Variants in GABRA3 observed in about 807,000 individuals in gnomAD.
GABRA3 encodes gamma-aminobutyric acid receptor subunit alpha-3.
In GABRA3, 10 loss-of-function variants were observed where a neutral mutation model predicts 30.1. The ratio of observed to expected loss-of-function variants is 0.33; its 90% confidence interval spans 0.20 to 0.56. The LOEUF (loss-of-function observed/expected upper bound fraction) is 0.56. GABRA3 is among the 20% of genes least tolerant of loss of function. GABRA3 has a pLI of 0.89. For synonymous variants in GABRA3, 151 were observed against 146.8 expected (o/e 1.03, Z -0.21); for missense variants, 233 against 392.0 (o/e 0.59, Z 3.42).
At chrX:152,351,267 T>C (rs767001053) in intron 2 of GABRA3, among the ~76,000 whole-genome samples, 7 of 112,293 alleles carry the variant, frequency 6.2e-5, no homozygotes, top group Non-Finnish European at 1.1e-4. Flanking sequence ...CTGAAAGACA[T>C]CTTCTTCCAA....
At chrX:152,193,907 G>A (rs965671946) in intron 8 of GABRA3, among the ~76,000 whole-genome samples, 2 of 111,370 alleles carry the variant, frequency 1.8e-5, no homozygotes, top group Non-Finnish European at 3.8e-5. Context: ...TGAGGCAGGA[G>A]AATTGCTTGA....
chrX:152,375,101 C>A (rs1212112578), intron 1 of GABRA3, among the ~76,000 whole-genome samples: 1 of 111,280 alleles, frequency 9.0e-6, no homozygotes, highest in East Asian at 2.8e-4. Context: ...AAACTACCAT[C>A]GACATTCTTC....
chrX:152,235,689 A>C (rs1938188048), intron 5 of GABRA3, among the ~76,000 whole-genome samples: 2 of 111,766 alleles, frequency 1.8e-5, no homozygotes, highest in African/African-American at 6.5e-5. Flanking sequence ...TGTACACTAA[A>C]CGTTGATGAA....
chrX:152,295,611 C>T (rs1206611572), intron 3 of GABRA3, among the ~76,000 whole-genome samples: 1 of 112,838 alleles, frequency 8.9e-6, no homozygotes, highest in African/African-American at 3.2e-5. Flanking sequence ...TCACAGCTTC[C>T]CTTGGCTTGG....
At chrX:152,411,989 T>A (rs902695151) in intron 1 of GABRA3, among the ~76,000 whole-genome samples, 24 of 111,542 alleles carry the variant, frequency 2.2e-4, no homozygotes, top group African/African-American at 7.5e-4. Context: ...ACCAGCTTCT[T>A]ACCAAATTTT....
At chrX:152,256,605 G>C (rs1042527695) in intron 4 of GABRA3, among the ~76,000 whole-genome samples, 1 of 111,749 alleles carries the variant, frequency 8.9e-6, no homozygotes, top group African/African-American at 3.3e-5. Flanking sequence ...GCTAATAAAC[G>C]TGAAGAAAAT....
chrX:152,273,623 C>T (rs1278525397), intron 4 of GABRA3, among the ~76,000 whole-genome samples: 1 of 111,887 alleles, frequency 8.9e-6, no homozygotes, highest in African/African-American at 3.2e-5. Context: ...ATAATGAAAT[C>T]CTGCCATTTG....
chrX:152,226,822 A>C (rs2124383521), intron 5 of GABRA3, among the ~76,000 whole-genome samples: 1 of 112,115 alleles, frequency 8.9e-6, no homozygotes, highest in Non-Finnish European at 1.9e-5. Flanking sequence ...GCAAATCAAA[A>C]CCACAATGAG....
At chrX:152,182,404 T>C (rs1937165121) in intron 9 of GABRA3, among the ~76,000 whole-genome samples, 1 of 93,882 alleles carries the variant, frequency 1.1e-5, no homozygotes, top group African/African-American at 3.9e-5. Flanking sequence ...CACTAGTATA[T>C]ATAGACACAC....
intron 1 of GABRA3, among the ~76,000 whole-genome samples, chrX:152,366,075 G>T (rs756739944): frequency 5.4e-5 from 6 of 111,707 alleles, no homozygotes; most frequent in African/African-American, 1.9e-4. Flanking sequence ...GAATGGTACG[G>T]TTCAGAAAAC....
In GABRA3 at chrX:152,386,337, T is replaced by C. The variant is rs1230655611; in HGVS notation, c.-26-21741A>G. On this transcript the variant is annotated intron_variant, in intron 1 of 9. Coordinates refer to ENST00000370314, the MANE Select transcript of GABRA3 (RefSeq NM_000808.4). ...CCTTGTAAGTTGGATTCCTAGGTAT[T>C]TTATTCTCTTTGAAGCAATCGTGAA... Among the ~76,000 whole-genome samples the C allele has an allele frequency of 3.6e-5, 4 of 110,784 alleles. No individual in the cohort carries two copies. The South Asian group carries it at 1.6e-3, about 43-fold the overall frequency.
At chrX:152,185,789 T>C (rs1478562024) in intron 9 of GABRA3, among the ~76,000 whole-genome samples, 1 of 112,223 alleles carries the variant, frequency 8.9e-6, no homozygotes, top group Non-Finnish European at 1.9e-5. Context: ...CCAAATCAAA[T>C]TGAGCTTTTC....
rs747071461 is a variant in GABRA3 at position 152,351,990 on chromosome X, A to G, written c.141-6288T>C. ...TTACCGATTAAGTCCACTGTCTTAC[A>G]TGAGTGGAATTCATGGTGCCCCAAA... On this transcript the variant is annotated intron_variant, in intron 2 of 9. Transcript: ENST00000370314. 2.7e-5 allele frequency among the ~76,000 whole-genome samples: 3 copies of G among 111,612 alleles called. No individual in the cohort carries two copies. In the South Asian group the frequency reaches 1.1e-3, roughly 42 times the overall value.
intron 1 of GABRA3, among the ~76,000 whole-genome samples, chrX:152,372,388 G>GTACT (rs1369221569): frequency 9.0e-6 from 1 of 111,590 alleles, no homozygotes; most frequent in African/African-American, 3.3e-5. Flanking sequence ...AAGGGACTTT[G>GTACT]TACTTGCTCT....
intron 3 of GABRA3, among the ~76,000 whole-genome samples, chrX:152,294,991 G>A (rs773705780): frequency 5.4e-5 from 6 of 111,519 alleles, no homozygotes; most frequent in South Asian, 3.8e-4. Context: ...GTTTGCCTGG[G>A]TATCACCAGT....
intron 9 of GABRA3, among the ~76,000 whole-genome samples, chrX:152,173,392 C>T (rs1035079471): frequency 9.0e-6 from 1 of 110,951 alleles, no homozygotes; most frequent in African/African-American, 3.3e-5. Flanking sequence ...ATGGCTTCTA[C>T]ATTCCCCATG....
chrX:152,265,332 A>G (rs1438213813), intron 4 of GABRA3, among the ~76,000 whole-genome samples: 1 of 111,745 alleles, frequency 8.9e-6, no homozygotes, highest in Non-Finnish European at 1.9e-5. Flanking sequence ...CCAGAAATCA[A>G]TAATAAGAGG....
chrX:152,387,062 C>A (rs1449645811), intron 1 of GABRA3, among the ~76,000 whole-genome samples: 1 of 106,138 alleles, frequency 9.4e-6, no homozygotes, highest in Non-Finnish European at 1.9e-5. Flanking sequence ...AAATCAAACA[C>A]CGCATATTCT....
chrX:152,336,532 C>T (rs1940237257), intron 3 of GABRA3, among the ~76,000 whole-genome samples: 1 of 112,063 alleles, frequency 8.9e-6, no homozygotes, highest in African/African-American at 3.2e-5. Context: ...CAATGTTTTC[C>T]TAAGACAACA....
Sources: gnomAD v4.1 joint callset for allele counts (sites outside exome capture counted in the v4.1 genomes callset) on GRCh38, gnomAD v4.1.1 for gene constraint, MANE v1.5 for transcripts, NCBI Gene and HGNC (gene_info 2026-07-23, HGNC 2026-07-21) for gene names.